ZNF569: variants seen among roughly 807,000 people sequenced by gnomAD.
The protein encoded by ZNF569 is zinc finger protein 569.
In ZNF569, 38 loss-of-function variants were observed where a neutral mutation model predicts 56.3. The observed-to-expected ratio is 0.68, with a 90% confidence interval of 0.52 to 0.88. ZNF569 has a LOEUF of 0.88. ZNF569 is among the 40% of genes least tolerant of loss of function. The pLI is 0.00. For synonymous variants in ZNF569, 241 were observed against 262.9 expected (o/e 0.92, Z 0.81); for missense variants, 666 against 809.2 (o/e 0.82, Z 2.15).
chr19:37,469,014 C>G, upstream of ZNF569: 1 of 981,072 alleles, frequency 1.0e-6, no homozygotes, highest in Non-Finnish European at 1.2e-6. Flanking sequence ...ATTCTCAACT[C>G]CCCGCCCTGG....
intron 3 of ZNF569, among the ~76,000 whole-genome samples, chr19:37,433,032 G>C (rs1367392167): frequency 6.7e-6 from 1 of 149,776 alleles, no homozygotes; most frequent in African/African-American, 2.5e-5. Context: ...GCCTCCCAAA[G>C]AGCAGGGACC....
intron 2 of ZNF569, among the ~76,000 whole-genome samples, chr19:37,456,743 C>T (rs1170575888): frequency 6.6e-6 from 1 of 151,896 alleles, no homozygotes; most frequent in East Asian, 1.9e-4. Flanking sequence ...CTGAGGTGGG[C>T]GGATCACAAG....
At chr19:37,437,301 C>T (rs1474580208) in intron 3 of ZNF569, among the ~76,000 whole-genome samples, 1 of 152,068 alleles carries the variant, frequency 6.6e-6, no homozygotes, top group Non-Finnish European at 1.5e-5. Flanking sequence ...GATAAAAACC[C>T]TCAAAAACTG....
intron 3 of ZNF569, among the ~76,000 whole-genome samples, chr19:37,432,363 C>G (rs1189307762): frequency 6.6e-6 from 1 of 152,210 alleles, no homozygotes; most frequent in Non-Finnish European, 1.5e-5. Flanking sequence ...ACAAGAGTCT[C>G]TACCTGGTAA....
At chr19:37,468,071 G>GTTTTT (rs35295578), upstream of ZNF569, 5 of 586,362 alleles carry the variant, frequency 8.5e-6, no homozygotes, top group Admixed American at 1.4e-4. Flanking sequence ...TGCCTTTCGT[G>GTTTTT]TTTTTTTTTT....
At chr19:37,463,511 G>T (rs2041785962) in intron 2 of ZNF569, among the ~76,000 whole-genome samples, 1 of 152,106 alleles carries the variant, frequency 6.6e-6, no homozygotes, top group Admixed American at 6.5e-5. Flanking sequence ...TAATATTATT[G>T]ATTATTGATC....
At position 37,421,821 on chromosome 19, in the gene ZNF569, C is replaced by T. The variant is rs1030699750; in HGVS notation, c.238+4047G>A. On this transcript the variant is annotated intron_variant, in intron 5 of 5. Transcript: ENST00000316950. The stretch of plus-strand genomic sequence containing the variant: ...CTGGGATGCAGTAGTGTGATCTCAG[C>T]TCATTGCAACCTCCACCTCTTAGAC... 2.1e-5 allele frequency among the ~76,000 whole-genome samples: 3 copies of T among 141,996 alleles called. No homozygotes were observed. In the Admixed American group the frequency reaches 2.3e-4, roughly 11 times the overall value. 93.2% of individuals were successfully genotyped at this position (141,996 alleles called of 152,430 possible).
chr19:37,455,181 A>AT, intron 2 of ZNF569: 1 of 280,482 alleles, frequency 3.6e-6, no homozygotes, highest in Non-Finnish European at 6.6e-6. Context: ...TAGGATTAGG[A>AT]TAACAGTTTA....
intron 3 of ZNF569, among the ~76,000 whole-genome samples, chr19:37,441,926 C>T (rs1239025729): frequency 6.6e-6 from 1 of 152,204 alleles, no homozygotes; most frequent in Non-Finnish European, 1.5e-5. Flanking sequence ...TCTCAAACAC[C>T]ACTTTAACAG....
intron 5 of ZNF569, among the ~76,000 whole-genome samples, chr19:37,425,318 A>AT (rs770808954): frequency 0.16 from 16,379 of 104,050 alleles, 1,709 homozygotes; most frequent in South Asian, 0.22. Context: ...CACGTGGCTA[A>AT]TTTTTTTTTT....
intron 5 of ZNF569, among the ~76,000 whole-genome samples, chr19:37,423,960 A>T (rs1052799228): frequency 1.3e-5 from 2 of 151,998 alleles, no homozygotes; most frequent in Non-Finnish European, 2.9e-5. Context: ...TATAAAATTC[A>T]AAATACGTGT....
intron 5 of ZNF569, among the ~76,000 whole-genome samples, chr19:37,415,245 C>T (rs73631031): frequency 0.017 from 2,615 of 151,268 alleles, 71 homozygotes; most frequent in African/African-American, 0.06. Context: ...GGATACGTTT[C>T]GATAATAGAA....
At chr19:37,454,852 G>C in intron 2 of ZNF569, 1 of 702,444 alleles carries the variant, frequency 1.4e-6, no homozygotes, top group African/African-American at 1.7e-5. Flanking sequence ...ATGGTGTCTG[G>C]CAGAGTCCAT....
Position 37,426,231 on chromosome 19 carries a change from T to C in ZNF569, c.142+21A>G, listed in dbSNP as rs760789777. Reference sequence around the variant, plus strand: ...GGTACTTTCTTTCCAGAGTTTGAATTATATAGTAAATTACTCTTACCTACT... The same window carrying C: ...GGTACTTTCTTTCCAGAGTTTGAATCATATAGTAAATTACTCTTACCTACT... On this transcript the variant is annotated intron_variant, in intron 4 of 5. Transcript: ENST00000316950. The C allele has an allele frequency of 1.9e-6, 3 of 1,587,712 alleles. No individual in the cohort carries two copies. The South Asian group carries it at 3.5e-5, about 18-fold the overall frequency.
chr19:37,430,811 T>C (rs1600309197), intron 3 of ZNF569, among the ~76,000 whole-genome samples: 1 of 152,214 alleles, frequency 6.6e-6, no homozygotes, highest in Non-Finnish European at 1.5e-5. Flanking sequence ...TGATCGTGAA[T>C]TGCTAACGCC....
intron 3 of ZNF569, among the ~76,000 whole-genome samples, chr19:37,443,086 G>C (rs1162823246): frequency 6.6e-6 from 1 of 152,252 alleles, no homozygotes; most frequent in Non-Finnish European, 1.5e-5. Context: ...GGGTGCTGAG[G>C]CTCACGCCTG....
chr19:37,446,565 A>AG (rs1214548008), intron 2 of ZNF569, among the ~76,000 whole-genome samples: 6 of 148,328 alleles, frequency 4.0e-5, no homozygotes, highest in African/African-American at 1.5e-4. Flanking sequence ...AAAAAAAAAA[A>AG]AAAAGAATGA....
intron 2 of ZNF569, among the ~76,000 whole-genome samples, chr19:37,460,869 T>C (rs1600353642): frequency 6.6e-6 from 1 of 151,126 alleles, no homozygotes; most frequent in Non-Finnish European, 1.5e-5. Flanking sequence ...TTTTCAGAAA[T>C]TCTGGGAGAT....
At chr19:37,454,708 A>C in intron 2 of ZNF569, 1 of 594,244 alleles carries the variant, frequency 1.7e-6, no homozygotes, top group Non-Finnish European at 3.0e-6. Context: ...CCAGAGGAAA[A>C]GCCTACAAGA....
Sources: allele counts gnomAD v4.1 joint callset (sites outside exome capture counted in the v4.1 genomes callset), GRCh38; gene constraint gnomAD v4.1.1; transcripts MANE v1.5; gene names NCBI Gene and HGNC (gene_info 2026-07-23, HGNC 2026-07-21).